Variants in DCC observed in about 807,000 individuals in gnomAD.
DCC encodes the protein DCC netrin 1 receptor.
Under a neutral mutation model 172.5 loss-of-function variants are expected in DCC, and 58 were observed. That is an observed-to-expected ratio of 0.34 (90% confidence interval 0.27 to 0.42). The LOEUF is 0.42. Among genes scored for constraint, DCC ranks in the 10% least tolerant of loss-of-function variants. The probability of loss-of-function intolerance (pLI) is 1.00; values close to 1 mark genes in which losing one functional copy is unlikely to be tolerated. For missense variants in DCC, 1,740 were observed against 1,791.0 expected (o/e 0.97, Z 0.51); for synonymous variants, 709 against 644.5 (o/e 1.10, Z -1.52).
chr18:53,511,976 A>G (rs867447946), intron 27 of DCC, among the ~76,000 whole-genome samples: 5,675 of 152,180 alleles, frequency 0.037, 361 homozygotes, highest in African/African-American at 0.13. Context: ...AGCTCAAGGA[A>G]GCCTGCCTGC....
intron 5 of DCC, among the ~76,000 whole-genome samples, chr18:52,953,687 C>T: frequency 6.6e-6 from 1 of 152,198 alleles, no homozygotes; most frequent in East Asian, 1.9e-4. Context: ...ATATTTACCA[C>T]ACAAATTTGT....
intron 14 of DCC, among the ~76,000 whole-genome samples, chr18:53,337,255 C>A (rs1236436169): frequency 6.6e-6 from 1 of 152,180 alleles, no homozygotes; most frequent in Non-Finnish European, 1.5e-5. Context: ...ATTATGATTT[C>A]ATATTGCTTT....
chr18:53,051,834 T>A (rs1240828491), intron 5 of DCC, among the ~76,000 whole-genome samples: 1 of 152,094 alleles, frequency 6.6e-6, no homozygotes, highest in African/African-American at 2.4e-5. Context: ...CTTTTGAGAT[T>A]TATGTACTCA....
chr18:53,014,116 TTC>T (rs1435500938), intron 5 of DCC, among the ~76,000 whole-genome samples: 5 of 152,158 alleles, frequency 3.3e-5, no homozygotes, highest in African/African-American at 1.2e-4. Context: ...GTGCTAGATA[TTC>T]TGATCGTAAT....
Position 53,311,307 on chromosome 18 carries a change from G to A in DCC, c.2053+5588G>A, listed in dbSNP as rs938645216. Among the ~76,000 whole-genome samples the A allele has an allele frequency of 9.4e-4, 143 of 152,100 alleles. 1 individual carries two copies. The highest frequency in any genetic ancestry group is 3.0e-3 in the African/African-American group (126 of 41,498). On this transcript the variant is annotated intron_variant, in intron 13 of 28. Coordinates refer to ENST00000442544, the MANE Select transcript of DCC (RefSeq NM_005215.4). The stretch of plus-strand genomic sequence containing the variant: ...TGGCTAATTTTTTGTATTTTTAGTA[G>A]AGACGAGGTTTCGCCATTTTGGCCA...
intron 18 of DCC, among the ~76,000 whole-genome samples, chr18:53,398,958 A>G (rs1469176912): frequency 6.6e-6 from 1 of 152,112 alleles, no homozygotes; most frequent in African/African-American, 2.4e-5. Context: ...AAATAACTCT[A>G]AAGTTTGCTT....
intron 2 of DCC, among the ~76,000 whole-genome samples, chr18:52,853,349 G>A (rs533640207): frequency 1.3e-5 from 2 of 152,270 alleles, no homozygotes; most frequent in South Asian, 4.1e-4. Flanking sequence ...CAAAATAGTT[G>A]GAAAGCAGGC....
intron 2 of DCC, among the ~76,000 whole-genome samples, chr18:52,851,860 T>C (rs754189170): frequency 4.6e-5 from 7 of 152,160 alleles, no homozygotes; most frequent in Non-Finnish European, 7.4e-5. Flanking sequence ...CAACCTTTAC[T>C]GCAATTATGA....
In DCC at chr18:53,171,856, T is replaced by TA. The variant is rs35188617; in HGVS notation, c.1419-7093dup. ...CCACATCAGTCAGAATGGCTATTAC[T>TA]AAAAAAAAAAAAATAATAAACAATA... is the stretch of plus-strand genomic sequence containing the variant. On this transcript the variant is annotated intron_variant, in intron 8 of 28. Coordinates refer to ENST00000442544, the MANE Select transcript of DCC (RefSeq NM_005215.4). Among the ~76,000 whole-genome samples the TA allele has an allele frequency of 9.9e-3, 1,439 of 145,410 alleles. 25 individuals carry two copies. Among genetic ancestry groups the TA allele is most frequent in the African/African-American group, 0.033 (1,299 of 39,170 alleles).
intron 1 of DCC, among the ~76,000 whole-genome samples, chr18:52,494,479 A>G (rs1043489394): frequency 6.6e-6 from 1 of 152,072 alleles, no homozygotes; most frequent in Non-Finnish European, 1.5e-5. Flanking sequence ...TTAGATATTT[A>G]TACTGTATTC....
At chr18:53,368,576 A>G (rs1409628798) in intron 15 of DCC, among the ~76,000 whole-genome samples, 3 of 152,056 alleles carry the variant, frequency 2.0e-5, no homozygotes, top group African/African-American at 4.8e-5. Flanking sequence ...ATAGTGTTAC[A>G]TCTGACATTT....
intron 1 of DCC, among the ~76,000 whole-genome samples, chr18:52,545,407 C>T (rs1271863692): frequency 6.6e-6 from 1 of 152,200 alleles, no homozygotes; most frequent in Admixed American, 6.5e-5. Context: ...GGTCACTCCA[C>T]AACTGTGAGC....
intron 3 of DCC, among the ~76,000 whole-genome samples, chr18:52,920,649 T>G (rs1236571424): frequency 6.6e-6 from 1 of 152,154 alleles, no homozygotes; most frequent in East Asian, 1.9e-4. Context: ...CTAAACAGTT[T>G]TACCATACAA....
At chr18:52,386,398 G>A (rs1259125428) in intron 1 of DCC, among the ~76,000 whole-genome samples, 2 of 151,986 alleles carry the variant, frequency 1.3e-5, no homozygotes, top group Non-Finnish European at 2.9e-5. Flanking sequence ...ATGTCATTAG[G>A]GGATTTTGGT....
intron 2 of DCC, among the ~76,000 whole-genome samples, chr18:52,820,981 A>C (rs1192343349): frequency 6.6e-6 from 1 of 152,136 alleles, no homozygotes; most frequent in African/African-American, 2.4e-5. Flanking sequence ...CCTTATCTCA[A>C]GGCAACCCTA....
chr18:53,240,889 C>G lies in DCC; in HGVS notation c.1911+25292C>G, dbSNP rs2056282488. Among the ~76,000 whole-genome samples the G allele has an allele frequency of 2.0e-5, 3 of 152,092 alleles. No homozygotes were observed. In the South Asian group the frequency reaches 6.2e-4, roughly 32 times the overall value. On this transcript the variant is annotated intron_variant, in intron 12 of 28. Coordinates refer to ENST00000442544, the MANE Select transcript of DCC (RefSeq NM_005215.4). ...GTAATAGTTACAGATAACATTTTCA[C>G]TTTTAGAGAGTCTTGTTGTACTGTT...
At chr18:52,482,225 C>T (rs779267457) in intron 1 of DCC, among the ~76,000 whole-genome samples, 8 of 152,112 alleles carry the variant, frequency 5.3e-5, no homozygotes, top group Non-Finnish European at 1.2e-4. Context: ...TAGAACAATA[C>T]TCACTATTTA....
At chr18:52,921,869 A>G (rs2040131822) in intron 3 of DCC, among the ~76,000 whole-genome samples, 1 of 151,820 alleles carries the variant, frequency 6.6e-6, no homozygotes. Flanking sequence ...GTAGAACGGT[A>G]TTGTATAGTG....
At chr18:53,158,860 G>A (rs1054712661) in intron 8 of DCC, among the ~76,000 whole-genome samples, 17 of 151,718 alleles carry the variant, frequency 1.1e-4, no homozygotes, top group African/African-American at 4.1e-4. Flanking sequence ...GGGCATGGTG[G>A]CGCGCACCTG....
Sources: gnomAD v4.1 joint callset for allele counts (sites outside exome capture counted in the v4.1 genomes callset) on GRCh38, gnomAD v4.1.1 for gene constraint, MANE v1.5 for transcripts, NCBI Gene and HGNC (gene_info 2026-07-23, HGNC 2026-07-21) for gene names.